Variants in TAFA1 observed in about 807,000 individuals in gnomAD.
The protein encoded by TAFA1 is chemokine-like protein TAFA-1.
In TAFA1, 4 loss-of-function variants were observed where a neutral mutation model predicts 18.5. The observed-to-expected ratio is 0.22, with a 90% CI of 0.11 to 0.49. The LOEUF (loss-of-function observed/expected upper bound fraction) is 0.49, where lower values mean the gene tolerates loss of function less well. Among genes scored for constraint, TAFA1 ranks in the 20% least tolerant of loss-of-function variants. The pLI, the probability that TAFA1 is intolerant of heterozygous loss-of-function variation, is 0.98. For synonymous variants in TAFA1, 56 were observed against 55.2 expected, an observed-to-expected ratio of 1.01 and a Z score of -0.06; for missense variants, 147 against 169.0, an observed-to-expected ratio of 0.87 and a Z score of 0.72.
intron 2 of TAFA1, among the ~76,000 whole-genome samples, chr3:68,036,207 A>G (rs1178728582): frequency 1.3e-5 from 2 of 152,126 alleles, no homozygotes; most frequent in East Asian, 3.9e-4. Flanking sequence ...TTGGGAGGCC[A>G]AGGTGGGTGG....
rs540405221 is a variant in TAFA1 at position 68,245,760 on chromosome 3, C to A, written c.119-171520C>A. On this transcript the variant is annotated intron_variant, in intron 2 of 4. Coordinates refer to ENST00000478136, the MANE Select transcript of TAFA1 (RefSeq NM_213609.4). ...AGCTTCTAATTCTAAACCTGCCCAT[C>A]CTGCAAGTACAGATCACAAAGGAAA... 1.3e-4 allele frequency among the ~76,000 whole-genome samples: 20 copies of A among 152,336 alleles called. 1 individual carries two copies. The highest frequency in any genetic ancestry group is 3.4e-3 in the Middle Eastern group (1 of 294).
chr3:68,410,956 A>G (rs980272586), intron 2 of TAFA1, among the ~76,000 whole-genome samples: 4 of 152,216 alleles, frequency 2.6e-5, no homozygotes, highest in African/African-American at 9.6e-5. Context: ...CTTAAAATAC[A>G]AATACATTGG....
intron 3 of TAFA1, among the ~76,000 whole-genome samples, chr3:68,469,030 C>T (rs926714122): frequency 6.6e-6 from 1 of 152,064 alleles, no homozygotes; most frequent in African/African-American, 2.4e-5. Context: ...CTCAATGGTT[C>T]AAACTGAAGC....
intron 2 of TAFA1, among the ~76,000 whole-genome samples, chr3:68,066,066 T>C (rs764359387): frequency 6.6e-6 from 1 of 152,126 alleles, no homozygotes; most frequent in Non-Finnish European, 1.5e-5. Context: ...CAGTAGTTAC[T>C]TGGGAGGGGG....
Position 68,280,235 on chromosome 3 carries a change from T to A in TAFA1, c.119-137045T>A, listed in dbSNP as rs564703864. On this transcript the variant is annotated intron_variant, in intron 2 of 4. Transcript: ENST00000478136. ...AGACATCTTTCAACAGTGACCTTTA[T>A]AACACTGATACTGGACTGAGACTAT... 1.1e-4 allele frequency among the ~76,000 whole-genome samples: 16 copies of A among 152,290 alleles called. No individual in the cohort carries two copies. In the Middle Eastern group the frequency reaches 0.01, roughly 97 times the overall value.
intron 2 of TAFA1, among the ~76,000 whole-genome samples, chr3:68,113,250 G>T (rs1424911085): frequency 1.3e-5 from 2 of 152,190 alleles, no homozygotes; most frequent in African/African-American, 4.8e-5. Context: ...ATGGATTTCT[G>T]CAATAAACAT....
At chr3:68,102,964 T>A (rs1411243144) in intron 2 of TAFA1, among the ~76,000 whole-genome samples, 1 of 152,204 alleles carries the variant, frequency 6.6e-6, no homozygotes, top group Non-Finnish European at 1.5e-5. Context: ...ATTCTCAGCA[T>A]AAGTGGCCCT....
At chr3:68,086,573 T>G (rs1575609358) in intron 2 of TAFA1, among the ~76,000 whole-genome samples, 1 of 152,240 alleles carries the variant, frequency 6.6e-6, no homozygotes, top group Admixed American at 6.5e-5. Context: ...TAATTTTTCC[T>G]TCTAATTTTA....
chr3:68,147,451 TC>T (rs2065755187), intron 2 of TAFA1, among the ~76,000 whole-genome samples: 1 of 152,034 alleles, frequency 6.6e-6, no homozygotes, highest in African/African-American at 2.4e-5. Context: ...CTAGTGTCTC[TC>T]CCATGTGGCC....
intron 2 of TAFA1, among the ~76,000 whole-genome samples, chr3:68,158,870 C>G (rs1010420552): frequency 6.6e-6 from 1 of 152,114 alleles, no homozygotes; most frequent in African/African-American, 2.4e-5. Flanking sequence ...AAGAGAAATT[C>G]TTGTAGTTTG....
intron 2 of TAFA1, among the ~76,000 whole-genome samples, chr3:68,066,529 TCAGA>T (rs2064680226): frequency 6.6e-6 from 1 of 152,208 alleles, no homozygotes; most frequent in African/African-American, 2.4e-5. Context: ...GGTATATATC[TCAGA>T]CAGTTCTGGA....
At chr3:68,118,829 A>G (rs1373383841) in intron 2 of TAFA1, among the ~76,000 whole-genome samples, 2 of 152,224 alleles carry the variant, frequency 1.3e-5, no homozygotes, top group African/African-American at 4.8e-5. Flanking sequence ...TAATGCAGCT[A>G]TGAACACAGA....
intron 3 of TAFA1, among the ~76,000 whole-genome samples, chr3:68,491,504 C>G (rs1030401296): frequency 7.9e-6 from 1 of 127,098 alleles, no homozygotes; most frequent in African/African-American, 3.1e-5. Flanking sequence ...AACACATGGA[C>G]ACAGGAAGGG....
chr3:68,362,926 A>G (rs1654732504), intron 2 of TAFA1, among the ~76,000 whole-genome samples: 1 of 131,802 alleles, frequency 7.6e-6, no homozygotes, highest in East Asian at 2.9e-4. Context: ...CTTAATCCCA[A>G]ATTAGATTTC....
intron 2 of TAFA1, among the ~76,000 whole-genome samples, chr3:68,020,858 G>C (rs768079352): frequency 1.3e-5 from 2 of 152,122 alleles, no homozygotes; most frequent in South Asian, 4.1e-4. Flanking sequence ...CATTGTGTAC[G>C]TAATTACAGG....
chr3:68,131,458 C>G (rs2065536112), intron 2 of TAFA1, among the ~76,000 whole-genome samples: 1 of 152,200 alleles, frequency 6.6e-6, no homozygotes, highest in Non-Finnish European at 1.5e-5. Flanking sequence ...AAGTATTACC[C>G]TTCCTGCATC....
At chr3:68,376,184 G>T (rs1219628915) in intron 2 of TAFA1, among the ~76,000 whole-genome samples, 1 of 151,874 alleles carries the variant, frequency 6.6e-6, no homozygotes, top group African/African-American at 2.4e-5. Flanking sequence ...ACATTTCATT[G>T]CAGTGTTTAA....
intron 3 of TAFA1, among the ~76,000 whole-genome samples, chr3:68,439,209 A>G (rs969119327): frequency 6.6e-6 from 1 of 151,330 alleles, no homozygotes; most frequent in African/African-American, 2.4e-5. Context: ...CTTTCTTTTT[A>G]TTTATAAATT....
At chr3:68,058,763 G>T (rs1233633961) in intron 2 of TAFA1, among the ~76,000 whole-genome samples, 4 of 152,158 alleles carry the variant, frequency 2.6e-5, no homozygotes. Context: ...TTTCAGACGT[G>T]TAAAAGCTAT....
Sources: gnomAD v4.1 joint callset for allele counts (sites outside exome capture counted in the v4.1 genomes callset) on GRCh38, gnomAD v4.1.1 for gene constraint, MANE v1.5 for transcripts, NCBI Gene and HGNC (gene_info 2026-07-23, HGNC 2026-07-21) for gene names.